XIST: variants seen among roughly 807,000 people sequenced by gnomAD.
XIST encodes X inactive specific transcript (non-protein coding).
exon 6 of XIST, chrX:73,821,293 A>C (rs1407794253): frequency 3.6e-6 from 2 of 555,577 alleles, no homozygotes; most frequent in Non-Finnish European, 6.5e-6. Flanking sequence ...TATGGATGTA[A>C]TTGGCTTGCT....
chrX:73,822,411 G>A lies in XIST; in HGVS notation n.17490C>T, dbSNP rs1014160025. Reference sequence around the variant, plus strand: ...AAAACAAGCCAAAAGGAAAGTATTAGGCATTCTCTGGGAAGGCATGCATTT... The same window carrying A: ...AAAACAAGCCAAAAGGAAAGTATTAAGCATTCTCTGGGAAGGCATGCATTT... On this transcript the variant is annotated non_coding_transcript_exon_variant, in exon 6 of 6. Transcript: ENST00000429829. The A allele has an allele frequency of 1.4e-5, 7 of 514,448 alleles. No individual in the cohort carries two copies. In the African/African-American group the frequency reaches 1.4e-4, roughly 10 times the overall value. 42.4% of individuals were successfully genotyped at this position (514,448 alleles called of 1,213,427 possible).
chrX:73,848,267 C>A (rs1263794512), exon 1 of XIST: 1 of 553,561 alleles, frequency 1.8e-6, no homozygotes, highest in Non-Finnish European at 3.3e-6. Flanking sequence ...AGACTAACAG[C>A]AGATAGGGAA....
chrX:73,846,996 T>A (rs1922789226), exon 1 of XIST: 2 of 559,152 alleles, frequency 3.6e-6, no homozygotes, highest in East Asian at 6.5e-5. Flanking sequence ...TCTGCTTTGA[T>A]AAGTACAGGA....
chrX:73,824,275 A>G (rs1431084561), exon 6 of XIST: 1 of 513,918 alleles, frequency 1.9e-6, no homozygotes, highest in East Asian at 3.6e-5. Context: ...GCGTATGCGT[A>G]TTCAAAAGAT....
At chrX:73,851,045 G>A (rs1367775985) in exon 1 of XIST, 1 of 559,185 alleles carries the variant, frequency 1.8e-6, no homozygotes, top group South Asian at 2.2e-5. Context: ...CCAGGTCTTC[G>A]CTGAGTAGCT....
exon 1 of XIST, chrX:73,851,773 T>C: frequency 3.6e-6 from 2 of 558,826 alleles, no homozygotes; most frequent in Non-Finnish European, 6.5e-6. Context: ...TAGTTTAACT[T>C]AGCACAAACG....
At chrX:73,851,546 G>C (rs1325509871) in exon 1 of XIST, 2 of 557,487 alleles carry the variant, frequency 3.6e-6, no homozygotes, top group Non-Finnish European at 6.5e-6. Flanking sequence ...ATGCCGCAAT[G>C]TCAAAATCGC....
chrX:73,845,804 G>C (rs779972993), exon 1 of XIST: 1 of 332,503 alleles, frequency 3.0e-6, no homozygotes, highest in Admixed American at 3.0e-5. Flanking sequence ...GAAGGGAAAG[G>C]AAGACTGGGA....
chrX:73,841,120 C>G (rs904022088), intron 1 of XIST, among the ~76,000 whole-genome samples: 1 of 111,772 alleles, frequency 8.9e-6, no homozygotes, highest in African/African-American at 3.2e-5. Flanking sequence ...AGGATGATAT[C>G]ATTCCTACCC....
exon 1 of XIST, chrX:73,847,631 C>T (rs1178229774): frequency 3.9e-6 from 2 of 514,470 alleles, no homozygotes; most frequent in Non-Finnish European, 7.0e-6. Flanking sequence ...TAGATATTAG[C>T]TTGATATAAA....
At chrX:73,825,742 A>C (rs1328971686) in exon 6 of XIST, 11 of 513,955 alleles carry the variant, frequency 2.1e-5, no homozygotes, top group Non-Finnish European at 3.5e-5. Context: ...CCTGATTTAC[A>C]TAATGCTTCA....
At chrX:73,822,744 T>A (rs767416058) in exon 6 of XIST, 8 of 545,948 alleles carry the variant, frequency 1.5e-5, no homozygotes, top group Non-Finnish European at 2.6e-5. Context: ...TATATTTCAT[T>A]TAGCATTTAG....
At chrX:73,850,165 T>A (rs1221822249) in exon 1 of XIST, 1 of 557,765 alleles carries the variant, frequency 1.8e-6, no homozygotes, top group South Asian at 2.2e-5. Context: ...TTAAATTTTT[T>A]ACTGTTTCTG....
At chrX:73,849,544 A>C (rs757171935) in exon 1 of XIST, 4 of 556,701 alleles carry the variant, frequency 7.2e-6, no homozygotes, top group Non-Finnish European at 1.3e-5. Flanking sequence ...AATGATAAGT[A>C]ACTCAAATTG....
intron 4 of XIST, among the ~76,000 whole-genome samples, chrX:73,829,950 T>C (rs1325411200): frequency 3.6e-5 from 4 of 110,971 alleles, no homozygotes; most frequent in Non-Finnish European, 7.5e-5. Flanking sequence ...TTCGATGTTT[T>C]AAGACCCCTC....
chrX:73,831,087 T>C (rs749235915), exon 4 of XIST: 2 of 556,608 alleles, frequency 3.6e-6, no homozygotes, highest in Non-Finnish European at 6.5e-6. Flanking sequence ...GTGGTTGTTT[T>C]TGAGACTTTA....
intron 5 of XIST, chrX:73,828,169 T>G (rs1481857740): frequency 6.6e-5 from 26 of 391,400 alleles, no homozygotes; most frequent in Non-Finnish European, 1.1e-4. Context: ...ACTACAATAA[T>G]AACAACCACC....
exon 1 of XIST, chrX:73,845,240 G>A (rs761808040): frequency 3.6e-6 from 2 of 557,712 alleles, no homozygotes; most frequent in Admixed American, 2.2e-5. Flanking sequence ...GTGTGGCAGG[G>A]GAGGCTTCCA....
intron 3 of XIST, chrX:73,833,206 G>A: frequency 1.8e-6 from 1 of 551,800 alleles, no homozygotes; most frequent in Non-Finnish European, 3.3e-6. Flanking sequence ...TCCAAAGACA[G>A]AAGCACTACA....
Sources: gnomAD v4.1 joint callset for allele counts (sites outside exome capture counted in the v4.1 genomes callset) on GRCh38, gnomAD v4.1.1 for gene constraint, MANE v1.5 for transcripts, NCBI Gene and HGNC (gene_info 2026-07-23, HGNC 2026-07-21) for gene names.